The following CTPS2 variants were observed in gnomAD, a reference collection of about 807,000 sequenced individuals.
The protein encoded by CTPS2 is CTP synthase 2.
A neutral mutation model predicts 46.8 loss-of-function variants in CTPS2; 19 were observed. The ratio of observed to expected loss-of-function variants is 0.41; its 90% CI spans 0.28 to 0.60. CTPS2 has a LOEUF of 0.60. Ranked by LOEUF, CTPS2 falls within the 20% of genes least tolerant of loss-of-function variation. The pLI, the probability that CTPS2 is intolerant of heterozygous loss-of-function variation, is 0.35. For synonymous variants in CTPS2, 151 were observed against 165.2 expected (o/e 0.91, Z 0.66); for missense variants, 286 against 447.6 (o/e 0.64, Z 3.26).
intron 14 of CTPS2, among the ~76,000 whole-genome samples, chrX:16,638,037 T>C (rs1014438637): frequency 9.0e-5 from 10 of 110,843 alleles, no homozygotes; most frequent in Admixed American, 6.7e-4. Context: ...GGGCAGATCA[T>C]GAGGTCAGGA....
At chrX:16,616,899 T>C (rs1930557719) in intron 16 of CTPS2, among the ~76,000 whole-genome samples, 1 of 111,655 alleles carries the variant, frequency 9.0e-6, no homozygotes, top group African/African-American at 3.3e-5. Flanking sequence ...TTCACCATGT[T>C]GGCCAACCTG....
chrX:16,710,991 A>G lies in CTPS2; in HGVS notation c.-40+1344T>C, dbSNP rs145875754. Among the ~76,000 whole-genome samples the G allele has an allele frequency of 3.6e-5, 4 of 112,088 alleles. No individual in the cohort carries two copies. The East Asian group carries it at 1.1e-3, about 31-fold the overall frequency. On this transcript the variant is annotated intron_variant, in intron 1 of 18. Coordinates refer to ENST00000359276, the MANE Select transcript of CTPS2 (RefSeq NM_175859.3). ...CAGGGAAAGGCTGGCCCTGTTTTAG[A>G]TCACTTCCTCCATTGAGGATTGTTT...
intron 13 of CTPS2, among the ~76,000 whole-genome samples, chrX:16,643,999 A>G (rs1323068920): frequency 8.9e-6 from 1 of 111,749 alleles, no homozygotes; most frequent in Admixed American, 9.5e-5. Context: ...AATAACCTAT[A>G]CATCATCAAT....
chrX:16,647,212 G>T (rs913278078), intron 13 of CTPS2, among the ~76,000 whole-genome samples: 1 of 103,694 alleles, frequency 9.6e-6, no homozygotes, highest in African/African-American at 3.6e-5. Flanking sequence ...GCTAGCATTC[G>T]CTACAAGTAT....
chrX:16,711,353 G>A (rs192209330), intron 1 of CTPS2, among the ~76,000 whole-genome samples: 15 of 111,605 alleles, frequency 1.3e-4, no homozygotes, highest in South Asian at 3.7e-4. Flanking sequence ...TCTCAGTACG[G>A]ATTTTGCCAC....
chrX:16,621,410 C>T (rs1417005883), intron 14 of CTPS2, among the ~76,000 whole-genome samples: 2 of 107,206 alleles, frequency 1.9e-5, no homozygotes, highest in African/African-American at 6.8e-5. Context: ...ATGTAACAAA[C>T]CTGCACATTG....
At chrX:16,700,438 CAG>C (rs1924469308) in intron 2 of CTPS2, among the ~76,000 whole-genome samples, 1 of 106,567 alleles carries the variant, frequency 9.4e-6, no homozygotes, top group African/African-American at 3.4e-5. Flanking sequence ...TAAATAGAGA[CAG>C]AGTTTCGCCA....
At position 16,620,260 on chromosome X, in the gene CTPS2, C is replaced by A; in HGVS notation, c.1449+17G>T. The A allele has an allele frequency of 8.5e-7, 1 of 1,173,629 alleles. No individual in the cohort carries two copies. The highest frequency in any genetic ancestry group is 1.8e-5 in the South Asian group (1 of 55,257). On this transcript the variant is annotated intron_variant, in intron 15 of 18. Transcript: ENST00000359276. ...TAAGCATCCATATTCCCCAGTAATT[C>A]AGCATGAAAGCCGTACCTCGAACCG...
chrX:16,690,456 T>A (rs1170089142), intron 7 of CTPS2, among the ~76,000 whole-genome samples: 1 of 111,284 alleles, frequency 9.0e-6, no homozygotes, highest in African/African-American at 3.3e-5. Context: ...CAATCTGCCA[T>A]CACATTTTTC....
chrX:16,684,529 CA>C (rs1923011581), intron 8 of CTPS2, among the ~76,000 whole-genome samples: 2 of 91,484 alleles, frequency 2.2e-5, no homozygotes, highest in East Asian at 6.7e-4. Flanking sequence ...AAAAAAAAAA[CA>C]AAAACAAAAA....
Position 16,603,416 on chromosome X carries a change from A to AAAATAAATAAATAAAT in CTPS2, c.1691+6109_1691+6124dup, listed in dbSNP as rs3053010. On this transcript the variant is annotated intron_variant, in intron 17 of 18. Transcript: ENST00000359276. Reference sequence around the variant, plus strand: ...GGGCAACAGAGTGAGACTTGTCTCAAAAATAAATAAATAAATAAATAAATA... The same window carrying AAAATAAATAAATAAAT: ...GGGCAACAGAGTGAGACTTGTCTCAAAAATAAATAAATAAATAAATAAATAAATAAATAAATAAATA... Among the ~76,000 whole-genome samples, 203 of 88,512 alleles carry AAAATAAATAAATAAAT rather than the reference A, an allele frequency of 2.3e-3. 3 individuals carry two copies. Among genetic ancestry groups the AAAATAAATAAATAAAT allele is most frequent in the East Asian group, 4.2e-3 (12 of 2,840 alleles). The allele number at this position is 88,512 out of a possible 115,157, so 76.9% of individuals were successfully genotyped here. A position where few individuals can be genotyped will look rare whatever the true frequency, so the allele number is the denominator to read the frequency against.
At chrX:16,613,869 G>T (rs1285624326) in intron 16 of CTPS2, among the ~76,000 whole-genome samples, 1 of 111,668 alleles carries the variant, frequency 9.0e-6, no homozygotes, top group African/African-American at 3.3e-5. Context: ...GGGATTACAG[G>T]CGTGAGCCAC....
intron 10 of CTPS2, among the ~76,000 whole-genome samples, chrX:16,674,680 T>C (rs1373366361): frequency 3.7e-3 from 384 of 103,265 alleles, no homozygotes; most frequent in Non-Finnish European, 5.7e-3. Context: ...CTACTAAAAA[T>C]ACAAAAAATT....
chrX:16,635,670 G>A (rs564618968), intron 14 of CTPS2, among the ~76,000 whole-genome samples: 68 of 111,894 alleles, frequency 6.1e-4, no homozygotes, highest in Non-Finnish European at 8.1e-4. Context: ...GTGAAACTCC[G>A]TCTCAAAAAA....
At chrX:16,679,621 C>G (rs181383295) in intron 9 of CTPS2, among the ~76,000 whole-genome samples, 1 of 111,274 alleles carries the variant, frequency 9.0e-6, no homozygotes, top group Non-Finnish European at 1.9e-5. Context: ...TGTTGAAATC[C>G]CAACTCCCAA....
chrX:16,664,901 C>T (rs192516617), intron 13 of CTPS2, among the ~76,000 whole-genome samples: 1 of 111,805 alleles, frequency 8.9e-6, no homozygotes, highest in East Asian at 2.8e-4. Context: ...ATATAAGGAA[C>T]TTATATCTAG....
intron 11 of CTPS2, among the ~76,000 whole-genome samples, chrX:16,668,424 T>C (rs1182946436): frequency 1.1e-5 from 1 of 89,523 alleles, no homozygotes; most frequent in Non-Finnish European, 2.2e-5. Flanking sequence ...AAAAAAAAAA[T>C]ACAAAAAAAA....
chrX:16,674,673 CT>C (rs2147316158), intron 10 of CTPS2, among the ~76,000 whole-genome samples: 1 of 104,611 alleles, frequency 9.6e-6, no homozygotes, highest in East Asian at 3.2e-4. Flanking sequence ...CCCGTCTCTA[CT>C]AAAAATACAA....
intron 7 of CTPS2, among the ~76,000 whole-genome samples, chrX:16,690,865 ATGTCAACGTGCTCG>A (rs1471485379): frequency 8.9e-6 from 1 of 112,646 alleles, no homozygotes; most frequent in Non-Finnish European, 1.9e-5. Context: ...GCTAGTGCGA[ATGTCAACGTGCTCG>A]TGTGTTTGGG....
Sources: gnomAD v4.1 joint callset for allele counts (sites outside exome capture counted in the v4.1 genomes callset) on GRCh38, gnomAD v4.1.1 for gene constraint, MANE v1.5 for transcripts, NCBI Gene and HGNC (gene_info 2026-07-23, HGNC 2026-07-21) for gene names.